Variants in SLC38A6 observed in about 807,000 individuals in gnomAD.
SLC38A6 encodes the protein N system amino acid transporter NAT-1.
SLC38A6 carries 73 observed loss-of-function variants against 65.0 expected under a neutral mutation model. The observed-to-expected ratio is 1.12, with a 90% CI of 0.93 to 1.37. The LOEUF (loss-of-function observed/expected upper bound fraction) is 1.37. Among genes scored for constraint, SLC38A6 ranks in the 40% most tolerant of loss-of-function variants. The pLI is 0.00. For missense variants in SLC38A6, 561 were observed against 531.1 expected, an observed-to-expected ratio of 1.06 and a Z score of -0.55; for synonymous variants, 183 against 178.8, an observed-to-expected ratio of 1.02 and a Z score of -0.19.
chr14:61,037,686 A>G lies in SLC38A6; in HGVS notation c.624+3A>G, dbSNP rs1388567137. 2 of 1,571,704 alleles carry G rather than the reference A, an allele frequency of 1.3e-6. No homozygotes were observed. The highest frequency in any genetic ancestry group is 1.7e-6 in the Non-Finnish European group (2 of 1,148,968). ...TTATGATGTTCTTTGCTCTTGTGGT[A>G]AGTTTAAAATATAATACATTGCTTA... On this transcript the variant is annotated splice_donor_region_variant and intron_variant, in intron 8 of 15. Coordinates refer to ENST00000267488, the MANE Select transcript of SLC38A6 (RefSeq NM_153811.3).
intron 15 of SLC38A6, among the ~76,000 whole-genome samples, chr14:61,063,960 C>T (rs1306654727): frequency 6.6e-6 from 1 of 152,236 alleles, no homozygotes; most frequent in South Asian, 2.1e-4. Flanking sequence ...TTTGTCCATT[C>T]CCTTATCTGG....
chr14:61,037,100 G>T lies in SLC38A6; in HGVS notation c.524G>T (p.Cys175Phe). 1 of 1,610,250 alleles carries T rather than the reference G, an allele frequency of 6.2e-7. No homozygotes were observed. Residue 175 changes from cysteine (C) to phenylalanine (F), a missense_variant, in exon 7 of 16, where the codon TGT becomes TTT. By Grantham distance (205) the Cys-to-Phe change is radical. Coordinates refer to ENST00000267488, the MANE Select transcript of SLC38A6 (RefSeq NM_153811.3). ...LDGQTLLIIICVGIVFPLALL... is the reference protein window; with the variant it reads ...LDGQTLLIIIFVGIVFPLALL... ...GGACAAACACTACTAATAATCATAT[G>T]TGTTGGCATTGTGTTCCCTCTTGCA...
At chr14:61,007,496 G>T (rs1375266345) in intron 3 of SLC38A6, among the ~76,000 whole-genome samples, 3 of 152,002 alleles carry the variant, frequency 2.0e-5, no homozygotes, top group Non-Finnish European at 4.4e-5. Flanking sequence ...GTTAGCCTGG[G>T]CCTGGTGTAT....
At position 61,050,592 on chromosome 14, in the gene SLC38A6, A is replaced by G. The variant is rs368356371; in HGVS notation, c.1006A>G (p.Ile336Val). 11 of 1,599,308 alleles carry G rather than the reference A, an allele frequency of 6.9e-6. No homozygotes were observed. Among genetic ancestry groups the G allele is most frequent in the Admixed American group, 1.7e-5 (1 of 59,636 alleles). Residue 336 changes from isoleucine (I) to valine (V), a missense_variant, in exon 13 of 16, where the codon ATA becomes GTA. Ile to Val is a conservative substitution (Grantham distance 29). Coordinates refer to ENST00000267488, the MANE Select transcript of SLC38A6 (RefSeq NM_153811.3). ...DVVVMTVKLC[I>V]LFAVLLTVPL... ...TGTTGTCATGACTGTGAAGTTATGC[A>G]TACTATTTGCTGTGCTTTTGACAGT... is the stretch of plus-strand genomic sequence containing the variant.
At chr14:61,009,350 T>C (rs566658949) in intron 3 of SLC38A6, among the ~76,000 whole-genome samples, 8 of 152,274 alleles carry the variant, frequency 5.3e-5, no homozygotes, top group African/African-American at 1.7e-4. Flanking sequence ...TTACCTTATA[T>C]TGATTAGAAA....
intron 5 of SLC38A6, among the ~76,000 whole-genome samples, chr14:61,020,667 C>G (rs1440815403): frequency 1.3e-5 from 2 of 152,106 alleles, no homozygotes; most frequent in Admixed American, 1.3e-4. Context: ...ACACACACTA[C>G]TTCACACTTC....
intron 5 of SLC38A6, among the ~76,000 whole-genome samples, chr14:61,022,275 A>G (rs558573180): frequency 6.6e-6 from 1 of 152,046 alleles, no homozygotes; most frequent in Non-Finnish European, 1.5e-5. Context: ...GTCACTAAGC[A>G]AAAGGGAACT....
At chr14:60,988,464 T>G (rs1384571940) in intron 3 of SLC38A6, among the ~76,000 whole-genome samples, 1 of 152,210 alleles carries the variant, frequency 6.6e-6, no homozygotes, top group African/African-American at 2.4e-5. Flanking sequence ...ATGTAGCTAA[T>G]CCTTCTAATG....
chr14:60,987,127 T>C, intron 3 of SLC38A6: 1 of 358,944 alleles, frequency 2.8e-6, no homozygotes, highest in East Asian at 1.0e-4. Context: ...TTGATTGAAT[T>C]CCTTCAATCT....
At position 61,010,049 on chromosome 14, in the gene SLC38A6, T is replaced by C. The variant is rs575154853; in HGVS notation, c.311-5855T>C. Reference sequence around the variant, plus strand: ...CACATCCTCTCCAGCACCTGTTGTTTCCTAACTTTTTAATGATTGCCATTC... The same window carrying C: ...CACATCCTCTCCAGCACCTGTTGTTCCCTAACTTTTTAATGATTGCCATTC... On this transcript the variant is annotated intron_variant, in intron 3 of 15. Coordinates refer to ENST00000267488, the MANE Select transcript of SLC38A6 (RefSeq NM_153811.3). Among the ~76,000 whole-genome samples, 3 of 152,298 alleles carry C rather than the reference T, an allele frequency of 2.0e-5. No individual in the cohort carries two copies. In the South Asian group the frequency reaches 6.2e-4, roughly 32 times the overall value.
intron 3 of SLC38A6, among the ~76,000 whole-genome samples, chr14:61,014,478 A>T (rs147867454): frequency 6.6e-6 from 1 of 152,052 alleles, no homozygotes. Context: ...TAGAGTTTCC[A>T]GTTTTTCTGC....
chr14:61,031,129 C>G (rs533522484), intron 6 of SLC38A6: 1 of 152,164 alleles, frequency 6.6e-6, no homozygotes, highest in South Asian at 2.1e-4. Flanking sequence ...AAAAATGCAT[C>G]TTACATTTTT....
intron 6 of SLC38A6, among the ~76,000 whole-genome samples, chr14:61,035,779 C>T (rs1782709593): frequency 6.6e-6 from 1 of 151,994 alleles, no homozygotes; most frequent in Non-Finnish European, 1.5e-5. Context: ...ATTGTTTCTC[C>T]TTTGCATACA....
chr14:61,013,127 A>G (rs997865306), intron 3 of SLC38A6, among the ~76,000 whole-genome samples: 1 of 152,020 alleles, frequency 6.6e-6, no homozygotes, highest in African/African-American at 2.4e-5. Flanking sequence ...TGATCCCTTT[A>G]CCATTATGTA....
At chr14:61,033,407 T>A (rs1291440444) in intron 6 of SLC38A6, among the ~76,000 whole-genome samples, 1 of 152,072 alleles carries the variant, frequency 6.6e-6, no homozygotes, top group African/African-American at 2.4e-5. Flanking sequence ...ACAAGTTCTC[T>A]AGGAAGTATA....
chr14:61,001,552 A>G (rs1243890643), intron 3 of SLC38A6, among the ~76,000 whole-genome samples: 2 of 152,238 alleles, frequency 1.3e-5, no homozygotes, highest in Non-Finnish European at 2.9e-5. Context: ...CTTATGCAGA[A>G]CTTAGAACAG....
intron 3 of SLC38A6, among the ~76,000 whole-genome samples, chr14:60,998,634 G>C (rs144304548): frequency 8.7e-4 from 133 of 152,326 alleles, no homozygotes; most frequent in African/African-American, 3.0e-3. Context: ...CACTGGGCTG[G>C]TTAATACTTA....
At chr14:61,083,537 G>C (rs1370985401) in intron 16 of SLC38A6, 3 of 1,548,110 alleles carry the variant, frequency 1.9e-6, no homozygotes, top group Non-Finnish European at 2.6e-6. Context: ...AATGTGACTG[G>C]TGTTCTTGTA....
In SLC38A6 at chr14:61,065,849, C is replaced by T. The variant is rs117448435; in HGVS notation, c.1291-12961C>T. ...CCTGCATGTTTGCAGGCTCAGGTTACTGGGTAATCTGTGGGTAGCTAGGTG... is the reference window on the plus strand; with the variant it reads ...CCTGCATGTTTGCAGGCTCAGGTTATTGGGTAATCTGTGGGTAGCTAGGTG... On this transcript the variant is annotated intron_variant, in intron 15 of 16. Transcript: ENST00000354886. Among the ~76,000 whole-genome samples the T allele has an allele frequency of 1.1e-3, 165 of 152,296 alleles. No homozygotes were observed. In the East Asian group the frequency reaches 0.023, roughly 21 times the overall value.
Sources: allele counts gnomAD v4.1 joint callset (sites outside exome capture counted in the v4.1 genomes callset), GRCh38; gene constraint gnomAD v4.1.1; transcripts MANE v1.5; gene names NCBI Gene and HGNC (gene_info 2026-07-23, HGNC 2026-07-21).